The following NUP93 variants were observed in gnomAD, a reference collection of about 807,000 sequenced individuals.
The protein encoded by NUP93 is nuclear pore complex protein Nup93.
Under a neutral mutation model 107.8 loss-of-function variants are expected in NUP93, and 55 were observed. That is an observed-to-expected ratio of 0.51 (90% CI 0.41 to 0.64). NUP93 has a LOEUF of 0.64. Among genes scored for constraint, NUP93 ranks in the 30% least tolerant of loss-of-function variants. The probability of loss-of-function intolerance (pLI) is 0.00; values close to 1 mark genes in which losing one functional copy is unlikely to be tolerated. For missense variants in NUP93, 937 were observed against 1,044.7 expected (o/e 0.90, Z 1.42); for synonymous variants, 390 against 397.5 (o/e 0.98, Z 0.22).
At chr16:56,761,100 T>G (rs1337879274) in intron 3 of NUP93, among the ~76,000 whole-genome samples, 4 of 152,246 alleles carry the variant, frequency 2.6e-5, no homozygotes, top group African/African-American at 7.2e-5. Context: ...AGTAAAAGTT[T>G]AAGGCTTACT....
In NUP93 at chr16:56,833,325, C is replaced by T. The variant is rs138281575; in HGVS notation, c.1456C>T (p.Arg486Cys). 1,106 of 1,606,452 alleles carry T rather than the reference C, an allele frequency of 6.9e-4. 6 individuals are homozygous for T. The highest frequency in any genetic ancestry group is 4.0e-3 in the South Asian group (362 of 89,644). The change falls in exon 13 of 22, where the codon CGC becomes TGC. Residue 486 changes from arginine to cysteine, a missense_variant. Arg to Cys is a radical substitution (Grantham distance 180). Coordinates refer to ENST00000308159, the MANE Select transcript of NUP93 (RefSeq NM_014669.5). ...CTTTCTTTTCCGCATGGAGCGGCTG[C>T]GCTGCCATGCTGTCCATGTAGCACT... Reference protein sequence around the residue: ...VAFLFRMERLRCHAVHVALVL... With the variant: ...VAFLFRMERLCCHAVHVALVL...
At chr16:56,732,835 T>TA (rs773963282) in intron 1 of NUP93, among the ~76,000 whole-genome samples, 77 of 152,344 alleles carry the variant, frequency 5.1e-4, no homozygotes, top group Middle Eastern at 3.4e-3. Context: ...CTGATCCTGT[T>TA]ATGTGCCAGA....
chr16:56,798,521 G>A lies in NUP93; in HGVS notation c.343G>A (p.Glu115Lys), dbSNP rs367699010. Residue 115 changes from glutamate to lysine, a missense_variant, in exon 4 of 22, where the codon GAA becomes AAA. Transcript: ENST00000308159. ...EKDNALLSAI[E>K]ESRKRTFGMA... ...GGACAATGCCCTGCTGTCTGCCATC[G>A]AAGAGTCCCGGAAGAGGGTAAGAAA... 6.2e-6 allele frequency: 10 copies of A among 1,613,876 alleles called. No homozygotes were observed. Among genetic ancestry groups the A allele is most frequent in the South Asian group, 1.1e-5 (1 of 91,084 alleles).
At chr16:56,775,139 G>T (rs1160648174) in intron 3 of NUP93, among the ~76,000 whole-genome samples, 2 of 152,032 alleles carry the variant, frequency 1.3e-5, no homozygotes, top group Non-Finnish European at 2.9e-5. Context: ...GAGCTCAAGC[G>T]ATCCACCTAC....
intron 3 of NUP93, chr16:56,783,855 G>T (rs188969061): frequency 1.0e-6 from 1 of 985,354 alleles, no homozygotes; most frequent in East Asian, 1.1e-4. Flanking sequence ...GAAAGAAAAT[G>T]GAATTCTTTT....
chr16:56,815,273 G>A lies in NUP93; in HGVS notation c.490-3391G>A, dbSNP rs115981221. Among the ~76,000 whole-genome samples, 307 of 152,270 alleles carry A rather than the reference G, an allele frequency of 2.0e-3. 2 individuals carry two copies. Among genetic ancestry groups the A allele is most frequent in the African/African-American group, 7.1e-3 (294 of 41,538 alleles). ...CTTGACTAGGTTTCTGGAATTAACA[G>A]GCTTAGTGCTGTGTCCTGTAAAAAG... On this transcript the variant is annotated intron_variant, in intron 5 of 21. Transcript: ENST00000308159.
At position 56,845,480 on chromosome 16, in the gene NUP93, A is replaced by G. The variant is rs144147315; in HGVS notation, c.*871A>G. 6.6e-6 allele frequency: 1 copy of G among 152,336 alleles called. No individual in the cohort carries two copies. The highest frequency in any genetic ancestry group is 1.9e-4 in the East Asian group (1 of 5,190). 9.4% of individuals were successfully genotyped at this position (152,336 alleles called of 1,614,324 possible). ...TCATGGGTCACGTGCTGAGTCTGCAATGTACAGAATCCAGACCACCACATG... is the reference window on the plus strand; with the variant it reads ...TCATGGGTCACGTGCTGAGTCTGCAGTGTACAGAATCCAGACCACCACATG... On this transcript the variant is annotated 3_prime_UTR_variant, in exon 22 of 22. Transcript: ENST00000308159.
chr16:56,834,881 A>T lies in NUP93; in HGVS notation c.1782+103A>T, dbSNP rs1306266005. 61 of 955,432 alleles carry T rather than the reference A, an allele frequency of 6.4e-5. No individual in the cohort carries two copies. The South Asian group carries it at 9.9e-4, about 15-fold the overall frequency. The allele number at this position is 955,432 out of a possible 1,614,324, so 59.2% of individuals were successfully genotyped here. On this transcript the variant is annotated intron_variant, in intron 16 of 21. Coordinates refer to ENST00000308159, the MANE Select transcript of NUP93 (RefSeq NM_014669.5). ...TAAGATTCAAGGTACTAAAGATGCA[A>T]ATCTGAACAGAGTTGCTTAATTTAA...
rs756788020 is a variant in NUP93, at chr16:56,833,363, G to T, written c.1494G>T (p.Glu498Asp). 6.3e-7 allele frequency: 1 copy of T among 1,579,206 alleles called. No individual in the cohort carries two copies. Among genetic ancestry groups the T allele is most frequent in the African/African-American group, 1.4e-5 (1 of 72,304 alleles). Residue 498 changes from glutamate to aspartate, a missense_variant, in exon 13 of 22, where the codon GAG becomes GAT. Glu to Asp is a conservative substitution (Grantham distance 45). Transcript: ENST00000308159. Reference protein sequence around the residue: ...HAVHVALVLFELKLLLKSSGQ... With the variant: ...HAVHVALVLFDLKLLLKSSGQ... ...TCCATGTAGCACTGGTGCTGTTTGA[G>T]CTGAAGCTGCTTTTAAAGTCCTCTG...
intron 3 of NUP93, among the ~76,000 whole-genome samples, chr16:56,762,124 G>T (rs1454161955): frequency 6.6e-6 from 1 of 152,124 alleles, no homozygotes; most frequent in Non-Finnish European, 1.5e-5. Context: ...TGGTGCTTGG[G>T]AGTATGCGTC....
chr16:56,763,533 T>G (rs568467184), intron 3 of NUP93, among the ~76,000 whole-genome samples: 4 of 143,536 alleles, frequency 2.8e-5, no homozygotes, highest in South Asian at 2.2e-4. Context: ...GGTGTGTGTG[T>G]GTGTGTATGT....
intron 1 of NUP93, among the ~76,000 whole-genome samples, chr16:56,739,596 C>G (rs1412825112): frequency 1.7e-5 from 2 of 114,436 alleles, no homozygotes; most frequent in South Asian, 3.3e-4. Context: ...ACCTCCCTCC[C>G]GGATGGGGCG....
intron 5 of NUP93, among the ~76,000 whole-genome samples, chr16:56,818,405 T>C (rs1963476637): frequency 6.6e-6 from 1 of 152,188 alleles, no homozygotes; most frequent in Non-Finnish European, 1.5e-5. Flanking sequence ...GAAAAAGTCA[T>C]TGAGGTATTG....
chr16:56,762,481 C>T (rs1042297231), intron 3 of NUP93, among the ~76,000 whole-genome samples: 2 of 151,992 alleles, frequency 1.3e-5, no homozygotes, highest in African/African-American at 2.4e-5. Context: ...ACACTTGAGG[C>T]GAAGGGTATC....
Position 56,841,752 on chromosome 16 carries a change from G to T in NUP93, c.2268G>T (p.Leu756Phe), listed in dbSNP as rs1200746110. 6.2e-7 allele frequency: 1 copy of T among 1,614,202 alleles called. No individual in the cohort carries two copies. Among genetic ancestry groups the T allele is most frequent in the East Asian group, 2.2e-5 (1 of 44,890 alleles). ...TGCTTCTTGCCACCATGAACATCTT[G>T]TTCACACAGTTTAAGAGGCTCAAGG... ...SEVLLATMNI[L>F]FTQFKRLKGT... is the part of the protein sequence containing the mutation. The change falls in exon 21 of 22, where the codon TTG becomes TTT. Residue 756 changes from leucine to phenylalanine, a missense_variant. Leu to Phe is a conservative substitution (Grantham distance 22, BLOSUM62 0). Coordinates refer to ENST00000308159, the MANE Select transcript of NUP93 (RefSeq NM_014669.5).
intron 5 of NUP93, 140 bp downstream of exon 5, chr16:56,805,772 C>G (rs745339326): frequency 1.4e-5 from 13 of 920,620 alleles, no homozygotes; most frequent in Non-Finnish European, 1.8e-5. Flanking sequence ...TTTAGGATGC[C>G]GCATTTGCCT....
intron 3 of NUP93, among the ~76,000 whole-genome samples, chr16:56,788,738 C>T (rs1469730631): frequency 6.6e-6 from 1 of 152,232 alleles, no homozygotes; most frequent in Non-Finnish European, 1.5e-5. Context: ...TCCCCAAGTG[C>T]AGCAACAGAT....
chr16:56,737,365 C>G (rs1158815417), intron 1 of NUP93, among the ~76,000 whole-genome samples: 1 of 152,144 alleles, frequency 6.6e-6, no homozygotes, highest in Non-Finnish European at 1.5e-5. Flanking sequence ...CCTGAAGACC[C>G]CACCCACGTC....
In NUP93 at chr16:56,846,686, G is replaced by A. The variant is rs1401290945; in HGVS notation, c.*2077G>A. Reference sequence around the variant, plus strand: ...GCTTATGCCACTGCACTCCAGCCTAGGCGATGGAGTGAGGCTCTGATTCAA... The same window carrying A: ...GCTTATGCCACTGCACTCCAGCCTAAGCGATGGAGTGAGGCTCTGATTCAA... On this transcript the variant is annotated 3_prime_UTR_variant, in exon 22 of 22. Transcript: ENST00000308159. 6.6e-6 allele frequency: 1 copy of A among 152,236 alleles called. No individual in the cohort carries two copies. The highest frequency in any genetic ancestry group is 1.5e-5 in the Non-Finnish European group (1 of 68,048). The allele number at this position is 152,236 out of a possible 1,614,324, so 9.4% of individuals were successfully genotyped here.
Sources: gnomAD v4.1 joint callset for allele counts (sites outside exome capture counted in the v4.1 genomes callset) on GRCh38, gnomAD v4.1.1 for gene constraint, MANE v1.5 for transcripts, NCBI Gene and HGNC (gene_info 2026-07-23, HGNC 2026-07-21) for gene names.